The following CCDC92 variants were observed in gnomAD, a reference collection of about 807,000 sequenced individuals.
CCDC92 encodes the protein coiled-coil domain containing 92.
Under a neutral mutation model 24.9 loss-of-function variants are expected in CCDC92, and 12 were observed. The ratio of observed to expected loss-of-function variants is 0.48; its 90% CI spans 0.31 to 0.78. CCDC92 has a LOEUF of 0.78. Among genes scored for constraint, CCDC92 ranks in the 30% least tolerant of loss-of-function variants. The pLI is 0.05. For synonymous variants in CCDC92, 193 were observed against 196.3 expected, an observed-to-expected ratio of 0.98 and a Z score of 0.14; for missense variants, 399 against 439.4, an observed-to-expected ratio of 0.91 and a Z score of 0.82.
At position 123,937,921 on chromosome 12, in the gene CCDC92, G is replaced by A. The variant is rs1382958887; in HGVS notation, c.224-91C>T. The A allele has an allele frequency of 3.0e-6, 4 of 1,349,468 alleles. No homozygotes were observed. Among genetic ancestry groups the A allele is most frequent in the Middle Eastern group, 1.9e-4 (1 of 5,246 alleles). 83.6% of individuals were successfully genotyped at this position (1,349,468 alleles called of 1,614,324 possible). A position where few individuals can be genotyped will look rare whatever the true frequency, so the allele number is the denominator to read the frequency against. On this transcript the variant is annotated intron_variant, in intron 4 of 4. Transcript: ENST00000238156. This position sits in a 1 kb window ranked among gnomAD's most constrained non-coding sequence, Gnocchi z 8.4. ...TGGGGCAGGCGGACCTGTCTGGTGG[G>A]GGCCCTGTCTAGGCTGTGGGGGCCA...
chr12:123,937,565 G>T lies in CCDC92; in HGVS notation c.489C>A (p.His163Gln). 6.2e-7 allele frequency: 1 copy of T among 1,612,858 alleles called. No individual in the cohort carries two copies. The highest frequency in any genetic ancestry group is 2.2e-5 in the East Asian group (1 of 44,858). ...STIAYLTSQL[H>Q]AAKKKLMSSS... ...AGCTCATGAGCTTCTTCTTGGCGGC[G>T]TGCAGCTGGGAGGTCAGGTAGGCGA... Residue 163 changes from histidine to glutamine, a missense_variant, in exon 5 of 5, where the codon CAC becomes CAA. His to Gln is a conservative substitution (Grantham distance 24). Coordinates refer to ENST00000238156, the MANE Select transcript of CCDC92 (RefSeq NM_025140.3). This position sits in a 1 kb window ranked among gnomAD's most constrained non-coding sequence, Gnocchi z 8.4.
chr12:123,950,584 G>A (rs1313033895), intron 1 of CCDC92, among the ~76,000 whole-genome samples: 1 of 152,066 alleles, frequency 6.6e-6, no homozygotes, highest in Non-Finnish European at 1.5e-5. Context: ...TAGCATGTGC[G>A]TCCTGGTCCC....
intron 2 of CCDC92, chr12:123,943,714 G>A: frequency 1.7e-6 from 1 of 598,882 alleles, no homozygotes; most frequent in Non-Finnish European, 3.0e-6. Flanking sequence ...AACGCCTTGG[G>A]GTGTGCCCTA....
At chr12:123,948,804 A>G (rs1261450925) in intron 1 of CCDC92, among the ~76,000 whole-genome samples, 1 of 152,254 alleles carries the variant, frequency 6.6e-6, no homozygotes, top group Non-Finnish European at 1.5e-5. Context: ...CATCAGCTCA[A>G]AAGAGTAACA....
intron 1 of CCDC92, among the ~76,000 whole-genome samples, chr12:123,950,731 CAAAAACAGCT>C (rs551904607): frequency 1.6e-4 from 25 of 152,240 alleles, no homozygotes; most frequent in African/African-American, 5.5e-4. Context: ...ACTTGGCTGC[CAAAAACAGCT>C]CTGATGTTAC....
chr12:123,949,289 C>T (rs184398713), intron 1 of CCDC92, among the ~76,000 whole-genome samples: 7 of 152,362 alleles, frequency 4.6e-5, no homozygotes, highest in Admixed American at 3.9e-4. Context: ...AAATTGTGTG[C>T]TCTTTGTACT....
intron 4 of CCDC92, among the ~76,000 whole-genome samples, chr12:123,939,278 A>G (rs186810403): frequency 6.6e-6 from 1 of 152,116 alleles, no homozygotes; most frequent in African/African-American, 2.4e-5. Context: ...CTTGCTTTGA[A>G]TTTTCCCACC....
chr12:123,956,966 T>G (rs1281507170), intron 1 of CCDC92, among the ~76,000 whole-genome samples: 1 of 152,250 alleles, frequency 6.6e-6, no homozygotes, highest in African/African-American at 2.4e-5. Flanking sequence ...AGTATTTTCT[T>G]ATTCTTACTG....
At chr12:123,938,008 C>A (rs991938084) in intron 4 of CCDC92, among the ~76,000 whole-genome samples, 178 bp from the exon 5 acceptor site, 1 of 152,106 alleles carries the variant, frequency 6.6e-6, no homozygotes, top group Non-Finnish European at 1.5e-5. Flanking sequence ...GTGGGGAGAT[C>A]GGGGCATCTC....
At chr12:123,966,468 C>T (rs1215818992) in intron 1 of CCDC92, 3 of 152,206 alleles carry the variant, frequency 2.0e-5, no homozygotes, top group African/African-American at 7.2e-5. Context: ...GTCTTGCACA[C>T]TGATGGAAAG....
chr12:123,957,026 G>A (rs779488115), intron 1 of CCDC92, among the ~76,000 whole-genome samples: 4 of 152,152 alleles, frequency 2.6e-5, no homozygotes, highest in South Asian at 2.1e-4. Context: ...TTTTCCATTT[G>A]TACAACTGAC....
At chr12:123,949,975 C>T (rs1391296308) in intron 1 of CCDC92, among the ~76,000 whole-genome samples, 1 of 152,240 alleles carries the variant, frequency 6.6e-6, no homozygotes, top group Non-Finnish European at 1.5e-5. Context: ...CGACATAATT[C>T]TATCCATGGA....
At position 123,943,426 on chromosome 12, in the gene CCDC92, G is replaced by C; in HGVS notation, c.102C>G (p.Leu34=). 1 of 1,614,152 alleles carries C rather than the reference G, an allele frequency of 6.2e-7. No homozygotes were observed. The highest frequency in any genetic ancestry group is 8.5e-7 in the Non-Finnish European group (1 of 1,179,998). ...TGGCATGCTCCCGCTGAAGGAACAG[G>C]AGGTTCTTCTGTGCGCTGTGCAGCT... ...ENQLHSAQKN[L]LFLQREHAST... Residue 34 remains leucine, a synonymous_variant, in exon 3 of 5, where the codon CTC becomes CTG. Coordinates refer to ENST00000238156, the MANE Select transcript of CCDC92 (RefSeq NM_025140.3).
At chr12:123,961,357 G>A (rs112619493) in intron 1 of CCDC92, 2,018 of 152,336 alleles carry the variant, frequency 0.013, 33 homozygotes, top group African/African-American at 0.033. Context: ...GAAGAGGTTG[G>A]AATTAAACTG....
At chr12:123,966,632 C>G (rs1043787597) in intron 1 of CCDC92, 3 of 152,158 alleles carry the variant, frequency 2.0e-5, no homozygotes, top group African/African-American at 7.2e-5. Context: ...ACATGCTGGC[C>G]CCAACGACTT....
chr12:123,968,290 G>A (rs1416682047), intron 1 of CCDC92: 3 of 151,936 alleles, frequency 2.0e-5, no homozygotes, highest in African/African-American at 7.3e-5. Context: ...GATCTCGGTC[G>A]GCTCTCCAGT....
chr12:123,955,780 G>A (rs1175758345), intron 1 of CCDC92, among the ~76,000 whole-genome samples: 1 of 151,998 alleles, frequency 6.6e-6, no homozygotes, highest in Non-Finnish European at 1.5e-5. Flanking sequence ...CCCCTTACCT[G>A]GCTCTATCCA....
intron 1 of CCDC92, among the ~76,000 whole-genome samples, chr12:123,951,309 G>A (rs533551644): frequency 2.0e-5 from 3 of 152,198 alleles, no homozygotes; most frequent in East Asian, 1.9e-4. Flanking sequence ...ATATTCCAAC[G>A]TATTCCTGAG....
intron 1 of CCDC92, among the ~76,000 whole-genome samples, chr12:123,959,246 TTC>T (rs1431506160): frequency 6.6e-6 from 1 of 152,186 alleles, no homozygotes; most frequent in African/African-American, 2.4e-5. Context: ...CAATGGAACT[TTC>T]TGTGATGATG....
Sources: gnomAD v4.1 joint callset for allele counts (sites outside exome capture counted in the v4.1 genomes callset) on GRCh38, gnomAD v4.1.1 for gene constraint, Gnocchi (gnomAD v3.1) non-coding constraint, MANE v1.5 for transcripts, NCBI Gene and HGNC (gene_info 2026-07-23, HGNC 2026-07-21) for gene names.